The following SYNM variants were observed in gnomAD, a reference collection of about 807,000 sequenced individuals.
SYNM encodes synemin.
SYNM carries 95 observed loss-of-function variants against 104.0 expected under a neutral mutation model. That is an observed-to-expected ratio of 0.91 (90% CI 0.77 to 1.08). SYNM has a LOEUF of 1.08. Among genes scored for constraint, SYNM ranks in the 50% least tolerant of loss-of-function variants. The probability of loss-of-function intolerance (pLI) is 0.00; values close to 1 mark genes in which losing one functional copy is unlikely to be tolerated. For synonymous variants in SYNM, 918 were observed against 869.0 expected (o/e 1.06, Z -0.99); for missense variants, 2,150 against 2,052.2 (o/e 1.05, Z -0.92).
Position 99,133,491 on chromosome 15 carries a change from GA to G in SYNM, c.*438del, listed in dbSNP as rs2067534481. On this transcript the variant is annotated 3_prime_UTR_variant, in exon 4 of 4. Coordinates refer to ENST00000336292, the MANE Select transcript of SYNM (RefSeq NM_145728.3). ...GAAATAACAGACTAACATTTTAGGG[GA>G]AAAATAAATACAATTTAGACTCTAA... The G allele has an allele frequency of 1.8e-5, 3 of 163,788 alleles. No individual in the cohort carries two copies. The highest frequency in any genetic ancestry group is 5.7e-5 in the Admixed American group (1 of 17,608). The allele number at this position is 163,788 out of a possible 1,614,324, so 10.1% of individuals were successfully genotyped here. A position where few individuals can be genotyped will look rare whatever the true frequency, so the allele number is the denominator to read the frequency against.
At chr15:99,116,722 T>C (rs1670241) in intron 2 of SYNM, among the ~76,000 whole-genome samples, 79,214 of 141,194 alleles carry the variant, frequency 0.56, 26,994 homozygotes, top group Middle Eastern at 0.68. Flanking sequence ...GGCTGGAGTG[T>C]GGTGGTGCGA....
At position 99,131,003 on chromosome 15, in the gene SYNM, T is replaced by A; in HGVS notation, c.2643T>A (p.Gly881=). The A allele has an allele frequency of 1.9e-6, 3 of 1,613,464 alleles. No homozygotes were observed. Among genetic ancestry groups the A allele is most frequent in the Non-Finnish European group, 2.5e-6 (3 of 1,179,664 alleles). ...QGTRRRTQKD[G]AVGEKVVKPL... ...CTCGAAGGAGGACACAGAAGGACGG[T>A]GCAGTGGGCGAGAAGGTTGTGAAGC... Residue 881 remains glycine (G), a synonymous_variant, in exon 4 of 4, where the codon GGT becomes GGA. Coordinates refer to ENST00000336292, the MANE Select transcript of SYNM (RefSeq NM_145728.3). The surrounding 1 kb of genome is among the most constrained non-coding windows in gnomAD (Gnocchi z 4.3).
chr15:99,113,322 C>G (rs1555483597), intron 1 of SYNM, among the ~76,000 whole-genome samples: 1 of 152,186 alleles, frequency 6.6e-6, no homozygotes, highest in East Asian at 1.9e-4. Context: ...TGAATAAACT[C>G]CTAAGCATTC....
rs183983766 is a variant in SYNM, at chr15:99,120,595, C to T, written c.936-6127C>T. Among the ~76,000 whole-genome samples the T allele has an allele frequency of 7.2e-5, 11 of 152,288 alleles. No individual in the cohort carries two copies. The East Asian group carries it at 2.1e-3, about 29-fold the overall frequency. ...GCAGGATACGATGCTGGGTGGGGGCCTGCAAAGACACTGCCAGTGTGGGCT... is the reference window on the plus strand; with the variant it reads ...GCAGGATACGATGCTGGGTGGGGGCTTGCAAAGACACTGCCAGTGTGGGCT... On this transcript the variant is annotated intron_variant, in intron 2 of 3. Transcript: ENST00000336292.
At chr15:99,138,909 G>A (rs2067874318), downstream of SYNM, among the ~76,000 whole-genome samples, 3 of 152,234 alleles carry the variant, frequency 2.0e-5, no homozygotes, top group Non-Finnish European at 4.4e-5. Flanking sequence ...TGCTCGGGCT[G>A]AGAAAGGACG....
chr15:99,112,661 G>A (rs1045962930), intron 1 of SYNM, among the ~76,000 whole-genome samples: 3 of 152,170 alleles, frequency 2.0e-5, no homozygotes, highest in African/African-American at 7.2e-5. Flanking sequence ...CACCCAGGAC[G>A]CCCTTACTAG....
Position 99,133,403 on chromosome 15 carries a change from C to A in SYNM, c.*345C>A. 1 of 258,726 alleles carries A rather than the reference C, an allele frequency of 3.9e-6. No homozygotes were observed. Among genetic ancestry groups the A allele is most frequent in the Non-Finnish European group, 7.4e-6 (1 of 135,518 alleles). 16.0% of individuals were successfully genotyped at this position (258,726 alleles called of 1,614,324 possible). A position where few individuals can be genotyped will look rare whatever the true frequency, so the allele number is the denominator to read the frequency against. The stretch of plus-strand genomic sequence containing the variant: ...TGAAACTACAATTAATTATAGATGT[C>A]AAAACATTAACCAGATTAAAGTAAT... On this transcript the variant is annotated 3_prime_UTR_variant, in exon 4 of 4. Coordinates refer to ENST00000336292, the MANE Select transcript of SYNM (RefSeq NM_145728.3).
intron 2 of SYNM, among the ~76,000 whole-genome samples, chr15:99,118,673 G>T (rs1555484205): frequency 6.6e-6 from 1 of 151,996 alleles, no homozygotes; most frequent in Non-Finnish European, 1.5e-5. Flanking sequence ...TTTCCAGAGA[G>T]ACTTGCAATT....
chr15:99,139,251 GCTTTCT>G, downstream of SYNM: 1 of 1,578,048 alleles, frequency 6.3e-7, no homozygotes, highest in Non-Finnish European at 8.6e-7. Context: ...TCTAGAACCA[GCTTTCT>G]CTTGAGATTC....
At chr15:99,117,936 A>C (rs1306640235) in intron 2 of SYNM, among the ~76,000 whole-genome samples, 1 of 152,180 alleles carries the variant, frequency 6.6e-6, no homozygotes, top group African/African-American at 2.4e-5. Context: ...GCCATCTCCT[A>C]GGAATTTAGG....
At chr15:99,114,778 C>T (rs1262493213) in intron 2 of SYNM, among the ~76,000 whole-genome samples, 1 of 33,120 alleles carries the variant, frequency 3.0e-5, no homozygotes, top group Admixed American at 3.4e-4. Context: ...CTTGGCATCA[C>T]CCTCCTTTCC....
rs782033480 is a variant in SYNM, at chr15:99,129,670, A to G, written c.1310A>G (p.Asn437Ser). Residue 437 changes from asparagine to serine, a missense_variant, in exon 4 of 4, where the codon AAT (asparagine) becomes AGT (serine). Physicochemically the swap from Asn to Ser is conservative, Grantham distance 46. Coordinates refer to ENST00000336292, the MANE Select transcript of SYNM (RefSeq NM_145728.3). Reference sequence around the variant, plus strand: ...TCTCCAACCTATGGCCTTTTAAGAAATACTGAGGCTCAAGTGAAAACATTC... The same window carrying G: ...TCTCCAACCTATGGCCTTTTAAGAAGTACTGAGGCTCAAGTGAAAACATTC... ...TFSPTYGLLR[N>S]TEAQVKTFPD... 5 of 1,613,970 alleles carry G rather than the reference A, an allele frequency of 3.1e-6. No individual in the cohort carries two copies. The South Asian group carries it at 4.4e-5, about 14-fold the overall frequency.
chr15:99,120,678 A>G (rs991837219), intron 2 of SYNM, among the ~76,000 whole-genome samples: 2 of 152,252 alleles, frequency 1.3e-5, no homozygotes, highest in African/African-American at 2.4e-5. Context: ...AGCCTGCTAC[A>G]CAGCAGGGAA....
Position 99,119,144 on chromosome 15 carries a change from C to T in SYNM, c.935+5429C>T, listed in dbSNP as rs552121969. Among the ~76,000 whole-genome samples, 3 of 152,290 alleles carry T rather than the reference C, an allele frequency of 2.0e-5. No homozygotes were observed. The South Asian group carries it at 6.2e-4, about 32-fold the overall frequency. On this transcript the variant is annotated intron_variant, in intron 2 of 3. Transcript: ENST00000336292. ...AAACATGCTCGGGGACAGGGAGGGA[C>T]TGCACCTGCGAATCTCCCGGCCCTC...
At chr15:99,115,904 T>A (rs1768734533) in intron 2 of SYNM, among the ~76,000 whole-genome samples, 2 of 152,248 alleles carry the variant, frequency 1.3e-5, no homozygotes. Flanking sequence ...CTGGAAGACT[T>A]ACATCAGCCA....
chr15:99,126,871 A>T, intron 3 of SYNM, 79 bp downstream of exon 3: 1 of 1,307,088 alleles, frequency 7.7e-7, no homozygotes. Context: ...AAGCACCATC[A>T]TCGGGAAGAA....
intron 1 of SYNM, among the ~76,000 whole-genome samples, chr15:99,106,457 AATTAATTT>A (rs1375790350): frequency 3.3e-5 from 5 of 152,202 alleles, no homozygotes; most frequent in Non-Finnish European, 7.3e-5. Context: ...GGAAAACTCA[AATTAATTT>A]CCAAAACGGT....
At chr15:99,119,429 C>T (rs545973535) in intron 2 of SYNM, among the ~76,000 whole-genome samples, 1 of 152,208 alleles carries the variant, frequency 6.6e-6, no homozygotes, top group East Asian at 1.9e-4. Flanking sequence ...GCAGAGTGGC[C>T]CAGGCGCAGG....
chr15:99,128,010 T>C (rs550044975), intron 3 of SYNM, among the ~76,000 whole-genome samples: 1 of 130,182 alleles, frequency 7.7e-6, no homozygotes, highest in East Asian at 2.1e-4. Flanking sequence ...GCTTCATTCA[T>C]TCATTCATTC....
Sources: gnomAD v4.1 joint callset for allele counts (sites outside exome capture counted in the v4.1 genomes callset) on GRCh38, gnomAD v4.1.1 for gene constraint, Gnocchi (gnomAD v3.1) non-coding constraint, MANE v1.5 for transcripts, NCBI Gene and HGNC (gene_info 2026-07-23, HGNC 2026-07-21) for gene names.